The following CCDC14 variants were observed in gnomAD, a reference collection of about 807,000 sequenced individuals.
The protein encoded by CCDC14 is coiled-coil domain containing 14.
In CCDC14, 71 loss-of-function variants were observed where a neutral mutation model predicts 81.4. The ratio of observed to expected loss-of-function variants is 0.87; its 90% confidence interval spans 0.72 to 1.06. The LOEUF (loss-of-function observed/expected upper bound fraction) is 1.06. CCDC14 is among the 50% of genes least tolerant of loss of function. The pLI, the probability that CCDC14 is intolerant of heterozygous loss-of-function variation, is 0.00. For synonymous variants in CCDC14, 332 were observed against 364.8 expected (o/e 0.91, Z 1.03); for missense variants, 1,046 against 1,047.3 (o/e 1.00, Z 0.02).
chr3:123,938,542 G>C (rs1577291648), intron 9 of CCDC14, among the ~76,000 whole-genome samples: 1 of 151,782 alleles, frequency 6.6e-6, no homozygotes, highest in African/African-American at 2.4e-5. Context: ...TGTCATCTGT[G>C]AACAAAACAG....
chr3:123,886,770 G>C, the CCDC14 span, among the ~76,000 whole-genome samples: 1 of 152,056 alleles, frequency 6.6e-6, no homozygotes, highest in East Asian at 1.9e-4. Context: ...TTACTAGGTT[G>C]GTAACTGTTT....
chr3:123,961,101 C>T, intron 1 of CCDC14, 43 bp downstream of exon 1: 3 of 1,506,136 alleles, frequency 2.0e-6, no homozygotes, highest in Non-Finnish European at 2.7e-6. Context: ...CCCCCTGTCC[C>T]TCTCCATCCC....
chr3:123,909,133 A>G (rs1172233959), downstream of CCDC14, among the ~76,000 whole-genome samples: 2 of 151,912 alleles, frequency 1.3e-5, no homozygotes, highest in Non-Finnish European at 2.9e-5. Flanking sequence ...CTGGTCTCTT[A>G]CCCCACTCTG....
chr3:123,924,231 C>T (rs150957987), intron 12 of CCDC14, among the ~76,000 whole-genome samples: 73 of 152,026 alleles, frequency 4.8e-4, no homozygotes, highest in African/African-American at 1.8e-3. Context: ...AACTGGAGAT[C>T]CACGTACAGA....
At chr3:123,949,246 T>G (rs954683810) in intron 5 of CCDC14, 114 bp from the exon 6 acceptor site, 6 of 633,298 alleles carry the variant, frequency 9.5e-6, no homozygotes, top group Middle Eastern at 4.2e-4. Flanking sequence ...ACATACTTCA[T>G]AGAAGGGCTT....
Position 123,915,143 on chromosome 3 carries a change from G to A in CCDC14, c.2354C>T (p.Ser785Phe), listed in dbSNP as rs147561384. 782 of 1,613,890 alleles carry A rather than the reference G, an allele frequency of 4.8e-4. No homozygotes were observed. The highest frequency in any genetic ancestry group is 3.5e-3 in the Middle Eastern group (21 of 6,062). ...TGCATCTTCTGCTTCCTTTGTTGAA[G>A]AGGAACAGATTACAGGTGTACACAG... The part of the protein sequence containing the change: ...NKLCTPVICS[S>F]STKEAEDAPE... The change falls in exon 13 of 13, where the codon TCT (serine) becomes TTT (phenylalanine). Residue 785 changes from serine (S) to phenylalanine (F), a missense_variant. Physicochemically the swap from Ser to Phe is radical, Grantham distance 155. Transcript: ENST00000409697.
intron 5 of CCDC14, among the ~76,000 whole-genome samples, chr3:123,899,916 T>G (rs187554452): frequency 6.6e-6 from 1 of 152,316 alleles, no homozygotes; most frequent in African/African-American, 2.4e-5. Context: ...TTTTCCAAGC[T>G]TGAATGATCC....
intron 5 of CCDC14, among the ~76,000 whole-genome samples, chr3:123,950,789 A>C (rs1047146046): frequency 1.3e-5 from 2 of 152,176 alleles, no homozygotes; most frequent in Admixed American, 6.5e-5. Context: ...GTATTCCTTA[A>C]TTTTTTAAAA....
rs547683919 is a variant in CCDC14 at position 123,904,918 on chromosome 3, G to C, written c.668-7305C>G. ...CAAAGACAATTTTGCAGATGAATGG[G>C]GGGAGAAAGGATCATTTTACCTGAT... On this transcript the variant is annotated intron_variant, in intron 5 of 5. Transcript: ENST00000479903. Among the ~76,000 whole-genome samples the C allele has an allele frequency of 3.9e-5, 6 of 152,238 alleles. No individual in the cohort carries two copies. The East Asian group carries it at 7.7e-4, about 20-fold the overall frequency.
chr3:123,947,386 AC>A, intron 7 of CCDC14, 67 bp from the exon 8 acceptor site: 1 of 1,059,152 alleles, frequency 9.4e-7, no homozygotes. Flanking sequence ...ATTACAACAA[AC>A]TCAAATATAT....
intron 9 of CCDC14, among the ~76,000 whole-genome samples, chr3:123,940,865 C>A (rs1451221612): frequency 6.6e-6 from 1 of 152,016 alleles, no homozygotes; most frequent in African/African-American, 2.4e-5. Context: ...AACTCACAGG[C>A]TCTCCTATTA....
intron 12 of CCDC14, among the ~76,000 whole-genome samples, chr3:123,921,495 C>T (rs1027115885): frequency 2.0e-5 from 3 of 152,168 alleles, no homozygotes; most frequent in African/African-American, 7.2e-5. Context: ...ATGCACCCAA[C>T]ATTGGAGCAA....
chr3:123,901,229 T>A (rs2034170892), intron 5 of CCDC14, among the ~76,000 whole-genome samples: 2 of 148,976 alleles, frequency 1.3e-5, no homozygotes, highest in Admixed American at 6.7e-5. Context: ...AGAAGCTCCA[T>A]CTCAAAAATA....
intron 5 of CCDC14, chr3:123,955,324 G>C (rs900688162): frequency 1.3e-5 from 2 of 152,076 alleles, no homozygotes; most frequent in African/African-American, 4.8e-5. Context: ...AAAGTTAGCC[G>C]TGAGGGTGTA....
intron 9 of CCDC14, among the ~76,000 whole-genome samples, chr3:123,934,984 A>G (rs13085327): frequency 6.6e-6 from 1 of 152,206 alleles, no homozygotes; most frequent in Non-Finnish European, 1.5e-5. Context: ...GAAAGATTTA[A>G]CCATAGCAAA....
At chr3:123,893,120 A>C (rs1157795005), downstream of CCDC14, among the ~76,000 whole-genome samples, 1 of 152,166 alleles carries the variant, frequency 6.6e-6, no homozygotes, top group African/African-American at 2.4e-5. Context: ...AACCATTTTT[A>C]AAGTATACAA....
intron 1 of CCDC14, among the ~76,000 whole-genome samples, chr3:123,960,861 A>G (rs1420671848): frequency 6.6e-6 from 1 of 152,140 alleles, no homozygotes; most frequent in African/African-American, 2.4e-5. Flanking sequence ...AGGAGAGGTT[A>G]AGTCACTCGA....
At chr3:123,925,109 C>T (rs1215547777) in intron 12 of CCDC14, among the ~76,000 whole-genome samples, 2 of 148,964 alleles carry the variant, frequency 1.3e-5, no homozygotes, top group African/African-American at 5.0e-5. Context: ...GGCATATAAA[C>T]ATATTGGAAT....
At chr3:123,915,885 A>G (rs1336213821) in intron 12 of CCDC14, among the ~76,000 whole-genome samples, 167 bp from the exon 13 acceptor site, 1 of 152,218 alleles carries the variant, frequency 6.6e-6, no homozygotes, top group African/African-American at 2.4e-5. Flanking sequence ...TGGCAAGAGC[A>G]TATAATAATT....
Sources: allele counts gnomAD v4.1 joint callset (sites outside exome capture counted in the v4.1 genomes callset), GRCh38; gene constraint gnomAD v4.1.1; transcripts MANE v1.5; gene names NCBI Gene and HGNC (gene_info 2026-07-23, HGNC 2026-07-21).